Variants in SLC35D2 observed in about 807,000 individuals in gnomAD.
SLC35D2 encodes nucleotide sugar transporter SLC35D2.
Under a neutral mutation model 41.8 loss-of-function variants are expected in SLC35D2, and 43 were observed. That is an observed-to-expected ratio of 1.03 (90% confidence interval 0.81 to 1.33). The LOEUF (loss-of-function observed/expected upper bound fraction) is 1.33, where lower values mean the gene tolerates loss of function less well. Ranked by LOEUF, SLC35D2 falls within the 40% of genes most tolerant of loss-of-function variation. The pLI is 0.00. For synonymous variants in SLC35D2, 150 were observed against 163.9 expected, an observed-to-expected ratio of 0.92 and a Z score of 0.65; for missense variants, 380 against 408.4, an observed-to-expected ratio of 0.93 and a Z score of 0.60.
intron 8 of SLC35D2, 106 bp from the exon 9 acceptor site, chr9:96,336,890 A>T: frequency 3.0e-6 from 2 of 675,198 alleles, no homozygotes; most frequent in Non-Finnish European, 5.0e-6. Context: ...CTTCCCAAAC[A>T]GAAAACATAA....
At chr9:96,325,020 C>T (rs771734283) in intron 9 of SLC35D2, among the ~76,000 whole-genome samples, 6 of 152,134 alleles carry the variant, frequency 3.9e-5, no homozygotes, top group Non-Finnish European at 4.4e-5. Flanking sequence ...ATCAGCTGAG[C>T]GATTGCTGCC....
At chr9:96,363,543 C>G (rs1005688443) in intron 3 of SLC35D2, among the ~76,000 whole-genome samples, 1 of 152,204 alleles carries the variant, frequency 6.6e-6, no homozygotes, top group African/African-American at 2.4e-5. Flanking sequence ...TGGAACCCAG[C>G]AACTGTTCAA....
intron 3 of SLC35D2, 30 bp downstream of exon 3, chr9:96,364,433 AT>A: frequency 8.0e-7 from 1 of 1,256,668 alleles, no homozygotes; most frequent in Non-Finnish European, 1.2e-6. Flanking sequence ...CACATCTTCT[AT>A]CACAGTCATA....
At chr9:96,317,539 G>C (rs568422970), downstream of SLC35D2, among the ~76,000 whole-genome samples, 8 of 152,126 alleles carry the variant, frequency 5.3e-5, no homozygotes, top group South Asian at 1.7e-3. Flanking sequence ...CTCTTAGGGT[G>C]CCCTCTGCTG....
intron 1 of SLC35D2, among the ~76,000 whole-genome samples, chr9:96,378,330 G>A: frequency 6.6e-6 from 1 of 151,834 alleles, no homozygotes; most frequent in East Asian, 1.9e-4. Context: ...CTACTCAGGA[G>A]GCTGACTTTG....
intron 4 of SLC35D2, among the ~76,000 whole-genome samples, chr9:96,353,635 C>T (rs551730260): frequency 5.9e-5 from 9 of 152,124 alleles, no homozygotes; most frequent in East Asian, 1.9e-4. Context: ...CGTGAGCCAC[C>T]GCACTGGGCT....
At chr9:96,344,534 ATGCAGGGG>A (rs1829480538) in intron 7 of SLC35D2, among the ~76,000 whole-genome samples, 1 of 122,472 alleles carries the variant, frequency 8.2e-6, no homozygotes, top group Admixed American at 8.0e-5. Context: ...AAAAAAGGCC[ATGCAGGGG>A]AAAAAAAAAA....
intron 7 of SLC35D2, among the ~76,000 whole-genome samples, chr9:96,344,689 C>G (rs1829495086): frequency 7.1e-6 from 1 of 140,942 alleles, no homozygotes; most frequent in Admixed American, 7.2e-5. Flanking sequence ...CTGACTCATC[C>G]TCCGGGCTTC....
chr9:96,360,239 A>C lies in SLC35D2; in HGVS notation c.280-18T>G, dbSNP rs1830206145. 1.9e-6 allele frequency: 3 copies of C among 1,579,686 alleles called. No individual in the cohort carries two copies. The highest frequency in any genetic ancestry group is 2.6e-6 in the Non-Finnish European group (3 of 1,154,158). ...GGAAACAGCTTCCATTAAAAAAAAA[A>C]GAAGAAATATTTGGTTAGAACTCCA... On this transcript the variant is annotated intron_variant, in intron 3 of 11. Coordinates refer to ENST00000253270, the MANE Select transcript of SLC35D2 (RefSeq NM_007001.3).
chr9:96,326,092 A>G (rs1345920263), intron 9 of SLC35D2, among the ~76,000 whole-genome samples: 1 of 152,252 alleles, frequency 6.6e-6, no homozygotes, highest in Non-Finnish European at 1.5e-5. Flanking sequence ...TATAATTGAT[A>G]TTAGACTTGC....
intron 7 of SLC35D2, among the ~76,000 whole-genome samples, 155 bp from the exon 8 acceptor site, chr9:96,344,151 G>A (rs1379133407): frequency 1.3e-5 from 2 of 152,104 alleles, no homozygotes; most frequent in African/African-American, 2.4e-5. Context: ...GACATAAAAT[G>A]CTTTGGTTTG....
At chr9:96,331,726 C>T (rs771250900) in intron 9 of SLC35D2, among the ~76,000 whole-genome samples, 2 of 152,158 alleles carry the variant, frequency 1.3e-5, no homozygotes, top group African/African-American at 2.4e-5. Flanking sequence ...GGCCGCAGAC[C>T]GGTACCAGTG....
At chr9:96,358,517 A>G (rs916678179) in intron 4 of SLC35D2, among the ~76,000 whole-genome samples, 2 of 152,190 alleles carry the variant, frequency 1.3e-5, no homozygotes, top group African/African-American at 4.8e-5. Flanking sequence ...AAGGACTTGT[A>G]TCAAGTAAAT....
intron 3 of SLC35D2, among the ~76,000 whole-genome samples, chr9:96,361,345 T>C (rs1830271667): frequency 6.6e-6 from 1 of 152,272 alleles, no homozygotes; most frequent in African/African-American, 2.4e-5. Flanking sequence ...TCAGGTTACA[T>C]GAGGGCATAG....
intron 4 of SLC35D2, among the ~76,000 whole-genome samples, chr9:96,358,700 A>C (rs1156987187): frequency 6.6e-6 from 1 of 152,126 alleles, no homozygotes; most frequent in Non-Finnish European, 1.5e-5. Flanking sequence ...CTTATCGAAA[A>C]AGTTTAGGTT....
chr9:96,359,563 G>A (rs962814962), intron 4 of SLC35D2, among the ~76,000 whole-genome samples: 3 of 151,872 alleles, frequency 2.0e-5, no homozygotes, highest in Admixed American at 2.0e-4. Context: ...GGTGGCAGGC[G>A]CCTATAATCC....
At chr9:96,329,240 CTTTTT>C (rs931513081) in intron 9 of SLC35D2, among the ~76,000 whole-genome samples, 12 of 151,662 alleles carry the variant, frequency 7.9e-5, no homozygotes, top group African/African-American at 2.9e-4. Context: ...TATATATATA[CTTTTT>C]TTAGAGACAG....
At chr9:96,357,549 T>C (rs1830077532) in intron 4 of SLC35D2, 1 of 151,938 alleles carries the variant, frequency 6.6e-6, no homozygotes, top group African/African-American at 2.4e-5. Context: ...AAAGACCCCA[T>C]CACTTAAAAG....
At chr9:96,342,119 C>CA (rs1829355444) in intron 8 of SLC35D2, among the ~76,000 whole-genome samples, 1 of 150,030 alleles carries the variant, frequency 6.7e-6, no homozygotes, top group African/African-American at 2.4e-5. Context: ...ATCTTTTTTC[C>CA]TTTTTTTTTG....
Sources: allele counts gnomAD v4.1 joint callset (sites outside exome capture counted in the v4.1 genomes callset), GRCh38; gene constraint gnomAD v4.1.1; transcripts MANE v1.5; gene names NCBI Gene and HGNC (gene_info 2026-07-23, HGNC 2026-07-21).